The following RYR3 variants were observed in gnomAD, a reference collection of about 807,000 sequenced individuals.
RYR3 encodes the protein brain ryanodine receptor-calcium release channel.
In RYR3, 207 loss-of-function variants were observed where a neutral mutation model predicts 584.3. The ratio of observed to expected loss-of-function variants is 0.35; its 90% confidence interval spans 0.32 to 0.40. RYR3 has a LOEUF of 0.40. RYR3 is among the 10% of genes least tolerant of loss of function. The pLI is 1.00. For missense variants in RYR3, 5,616 were observed against 6,089.2 expected, an observed-to-expected ratio of 0.92 and a Z score of 2.59; for synonymous variants, 2,416 against 2,248.5, an observed-to-expected ratio of 1.07 and a Z score of -2.11.
At chr15:33,643,780 C>T (rs375090143) in intron 27 of RYR3, among the ~76,000 whole-genome samples, 31 of 152,208 alleles carry the variant, frequency 2.0e-4, no homozygotes, top group Non-Finnish European at 3.4e-4. Context: ...AGGTATACAA[C>T]GTGATGTTAT....
intron 67 of RYR3, among the ~76,000 whole-genome samples, chr15:33,795,842 C>G (rs774488511): frequency 1.3e-5 from 2 of 151,914 alleles, no homozygotes; most frequent in African/African-American, 2.4e-5. Flanking sequence ...AAACAAGTCT[C>G]TCTTTCTAAA....
chr15:33,661,810 A>G (rs1393853394), intron 34 of RYR3, among the ~76,000 whole-genome samples: 2 of 152,220 alleles, frequency 1.3e-5, no homozygotes, highest in African/African-American at 4.8e-5. Context: ...AGGGAAATGA[A>G]ACATCTGCTT....
At position 33,311,185 on chromosome 15, in the gene RYR3, T is replaced by C; in HGVS notation, c.51+89T>C. The C allele has an allele frequency of 9.8e-7, 1 of 1,025,218 alleles. No homozygotes were observed. The allele number at this position is 1,025,218 out of a possible 1,614,324, so 63.5% of individuals were successfully genotyped here. On this transcript the variant is annotated intron_variant, in intron 1 of 103. Coordinates refer to ENST00000634891, the MANE Select transcript of RYR3 (RefSeq NM_001036.6). The surrounding 1 kb of genome is among the most constrained non-coding windows in gnomAD (Gnocchi z 4.4). ...AGGGGCTGGCTGCGCTGCGCCGCGG[T>C]GCCGGGTGCCCGGTGCCGGGCGCTT...
At chr15:33,827,356 G>T in intron 85 of RYR3, 69 bp downstream of exon 85, 1 of 1,405,036 alleles carries the variant, frequency 7.1e-7, no homozygotes, top group East Asian at 2.5e-5. Flanking sequence ...CAGTTACACA[G>T]GGTCAGGGAC....
chr15:33,685,824 A>G (rs1237520793), intron 38 of RYR3, among the ~76,000 whole-genome samples: 4 of 152,222 alleles, frequency 2.6e-5, no homozygotes, highest in African/African-American at 7.2e-5. Flanking sequence ...AAACCGAACA[A>G]TCTGCTCCTC....
chr15:33,545,250 G>A (rs1217244112), intron 8 of RYR3, among the ~76,000 whole-genome samples: 2 of 152,160 alleles, frequency 1.3e-5, no homozygotes, highest in Non-Finnish European at 2.9e-5. Flanking sequence ...ATTAGAAACA[G>A]CTGGACAGAA....
At chr15:33,571,611 G>C (rs1263920075) in intron 12 of RYR3, among the ~76,000 whole-genome samples, 1 of 152,092 alleles carries the variant, frequency 6.6e-6, no homozygotes, top group Non-Finnish European at 1.5e-5. Context: ...CATTCCAGGT[G>C]TCTTGAATGT....
chr15:33,390,789 C>A lies in RYR3; in HGVS notation c.51+79693C>A, dbSNP rs1263030273. 6.6e-6 allele frequency among the ~76,000 whole-genome samples: 1 copy of A among 152,088 alleles called. No individual in the cohort carries two copies. The highest frequency in any genetic ancestry group is 1.5e-5 in the Non-Finnish European group (1 of 68,016). ...TGCTAGTCAGAGGGTGCTTCTGTGA[C>A]CATACCCCAATAAAAACCCTGGATG... On this transcript the variant is annotated intron_variant, in intron 1 of 103. Coordinates refer to ENST00000634891, the MANE Select transcript of RYR3 (RefSeq NM_001036.6). This position sits in a 1 kb window ranked among gnomAD's most constrained non-coding sequence, Gnocchi z 4.2.
intron 1 of RYR3, among the ~76,000 whole-genome samples, chr15:33,446,048 T>C (rs570678366): frequency 6.6e-6 from 1 of 152,280 alleles, no homozygotes; most frequent in African/African-American, 2.4e-5. Context: ...CTGAGGATAA[T>C]GGAGGCAATT....
chr15:33,745,965 A>G (rs1423170084), intron 52 of RYR3, 103 bp from the exon 53 acceptor site: 4 of 776,330 alleles, frequency 5.2e-6, no homozygotes, highest in Non-Finnish European at 9.0e-6. Flanking sequence ...CCCTGTCACT[A>G]TCCATTACTC....
At chr15:33,683,249 C>T (rs987904135) in intron 38 of RYR3, among the ~76,000 whole-genome samples, 2 of 152,010 alleles carry the variant, frequency 1.3e-5, no homozygotes, top group African/African-American at 4.8e-5. Flanking sequence ...CTGCCTTGGC[C>T]TCCCAAAGTG....
chr15:33,563,952 C>T (rs531389399), intron 11 of RYR3, among the ~76,000 whole-genome samples: 37 of 152,206 alleles, frequency 2.4e-4, no homozygotes, highest in Admixed American at 4.6e-4. Context: ...TGAAAACAAC[C>T]GCAAAGGCTG....
In RYR3 at chr15:33,649,163, A is replaced by C; in HGVS notation, c.4070A>C (p.Glu1357Ala). Residue 1357 changes from glutamate (E) to alanine (A), a missense_variant, in exon 31 of 104, where the codon GAA (glutamate) becomes GCA (alanine). Transcript: ENST00000634891. ...ACTCCAGACTATCACTTGTACAGTG[A>C]AAAGTTTGACCTGAATAAAAACTGC... ...WVTPDYHLYSEKFDLNKNCTV... is the reference protein window; with the variant it reads ...WVTPDYHLYSAKFDLNKNCTV... 6.2e-7 allele frequency: 1 copy of C among 1,613,820 alleles called. No individual in the cohort carries two copies. The highest frequency in any genetic ancestry group is 8.5e-7 in the Non-Finnish European group (1 of 1,179,826).
At chr15:33,782,949 C>T (rs562602289) in intron 65 of RYR3, among the ~76,000 whole-genome samples, 100 of 152,282 alleles carry the variant, frequency 6.6e-4, no homozygotes, top group Non-Finnish European at 1.2e-3. Flanking sequence ...CACTAGATGT[C>T]AGACCAAAGC....
At chr15:33,331,376 T>A (rs1970358906) in intron 1 of RYR3, among the ~76,000 whole-genome samples, 1 of 152,144 alleles carries the variant, frequency 6.6e-6, no homozygotes, top group Non-Finnish European at 1.5e-5. Flanking sequence ...CTAATGTTCT[T>A]ATAAGGTAGA....
chr15:33,531,645 A>AT (rs201613526), intron 4 of RYR3, among the ~76,000 whole-genome samples: 1,650 of 103,458 alleles, frequency 0.016, 11 homozygotes, highest in South Asian at 0.029. Context: ...ATATATATAT[A>AT]TATTTTTTTT....
intron 3 of RYR3, among the ~76,000 whole-genome samples, chr15:33,504,320 A>G (rs1435766253): frequency 2.0e-5 from 3 of 152,222 alleles, no homozygotes; most frequent in Non-Finnish European, 4.4e-5. Flanking sequence ...GCTTTTGGGC[A>G]AGACTTTGGC....
At chr15:33,488,948 TC>T (rs1596341831) in intron 2 of RYR3, among the ~76,000 whole-genome samples, 1 of 152,302 alleles carries the variant, frequency 6.6e-6, no homozygotes. Context: ...AAAACCTAAG[TC>T]ATGGTTATGA....
chr15:33,646,286 A>C (rs1183202909), intron 28 of RYR3, 65 bp from the exon 29 acceptor site: 1 of 1,421,480 alleles, frequency 7.0e-7, no homozygotes, highest in Non-Finnish European at 9.6e-7. Context: ...TCCACGAGGG[A>C]AAAAGGGACT....
Sources: gnomAD v4.1 joint callset for allele counts (sites outside exome capture counted in the v4.1 genomes callset) on GRCh38, gnomAD v4.1.1 for gene constraint, Gnocchi (gnomAD v3.1) non-coding constraint, MANE v1.5 for transcripts, NCBI Gene and HGNC (gene_info 2026-07-23, HGNC 2026-07-21) for gene names.